HDAC9: variants seen among roughly 807,000 people sequenced by gnomAD.
HDAC9 encodes the protein histone deacetylase 9, also known as MEF-2 interacting transcription repressor (MITR) protein.
HDAC9 carries 41 observed loss-of-function variants against 139.4 expected under a neutral mutation model. That is an observed-to-expected ratio of 0.29 (90% confidence interval 0.23 to 0.38). The LOEUF (loss-of-function observed/expected upper bound fraction) is 0.38, where lower values mean the gene tolerates loss of function less well. Ranked by LOEUF, HDAC9 falls within the 10% of genes least tolerant of loss-of-function variation. The pLI, the probability that HDAC9 is intolerant of heterozygous loss-of-function variation, is 1.00. For missense variants in HDAC9, 1,147 were observed against 1,297.0 expected, an observed-to-expected ratio of 0.88 and a Z score of 1.78; for synonymous variants, 517 against 476.2, an observed-to-expected ratio of 1.09 and a Z score of -1.12.
At chr7:18,107,018 A>G (rs961840996) in intron 1 of HDAC9, among the ~76,000 whole-genome samples, 32 of 152,190 alleles carry the variant, frequency 2.1e-4, no homozygotes, top group Non-Finnish European at 5.9e-5. Flanking sequence ...TTGAGTGTGC[A>G]TGTAAGTGTT....
At chr7:18,539,210 T>C (rs1811913450) in intron 2 of HDAC9, among the ~76,000 whole-genome samples, 1 of 152,224 alleles carries the variant, frequency 6.6e-6, no homozygotes, top group South Asian at 2.1e-4. Context: ...CATGTGGCTC[T>C]ACTCTACTTA....
chr7:18,388,681 A>G (rs930019485), intron 1 of HDAC9, among the ~76,000 whole-genome samples: 1 of 151,932 alleles, frequency 6.6e-6, no homozygotes, highest in African/African-American at 2.4e-5. Flanking sequence ...TTCTTTCTCT[A>G]CTCAGTGGTG....
intron 2 of HDAC9, among the ~76,000 whole-genome samples, chr7:18,215,213 A>G (rs1178379): frequency 0.09 from 13,716 of 152,214 alleles, 1,311 homozygotes; most frequent in African/African-American, 0.24. Flanking sequence ...CGCAAGATCT[A>G]GATTTGAATA....
At chr7:18,805,081 G>A (rs1285795078) in intron 17 of HDAC9, among the ~76,000 whole-genome samples, 2 of 152,190 alleles carry the variant, frequency 1.3e-5, no homozygotes, top group Non-Finnish European at 2.9e-5. Context: ...ACAGGCATGA[G>A]CCCCTGCGCC....
chr7:18,396,245 A>T (rs562042317), intron 1 of HDAC9, among the ~76,000 whole-genome samples: 3 of 152,154 alleles, frequency 2.0e-5, no homozygotes, highest in South Asian at 4.2e-4. Flanking sequence ...GTAGATGTGA[A>T]TAAGAAACAC....
chr7:18,711,238 T>G (rs2541323), intron 12 of HDAC9, among the ~76,000 whole-genome samples: 26,000 of 152,112 alleles, frequency 0.17, 2,949 homozygotes, highest in African/African-American at 0.33. Context: ...TGCCCCAAAG[T>G]AGAGAGAACA....
intron 22 of HDAC9, among the ~76,000 whole-genome samples, chr7:18,917,728 A>G (rs938951183): frequency 6.6e-6 from 1 of 152,030 alleles, no homozygotes; most frequent in African/African-American, 2.4e-5. Flanking sequence ...GGGTGTTACT[A>G]TCCCCGATTT....
At chr7:18,712,102 G>A (rs1474642653) in intron 12 of HDAC9, among the ~76,000 whole-genome samples, 1 of 152,216 alleles carries the variant, frequency 6.6e-6, no homozygotes, top group East Asian at 1.9e-4. Flanking sequence ...TTTGCCCATA[G>A]CCAGTCTTTG....
chr7:18,109,759 T>TA, intron 1 of HDAC9, among the ~76,000 whole-genome samples: 1 of 152,328 alleles, frequency 6.6e-6, no homozygotes, highest in Admixed American at 6.5e-5. Flanking sequence ...TACCAGTACT[T>TA]ACATATCCAC....
Position 18,216,763 on chromosome 7 carries a change from A to G in HDAC9, c.25+54414A>G, listed in dbSNP as rs150164759. On this transcript the variant is annotated intron_variant, in intron 2 of 12. Transcript: ENST00000417496. ...TATTTCATCTAGCATTTTTGCCTCT[A>G]TATTTGTGATACTGAATGATAGTTT... is the stretch of plus-strand genomic sequence containing the variant. Among the ~76,000 whole-genome samples, 35 of 152,214 alleles carry G rather than the reference A, an allele frequency of 2.3e-4. No homozygotes were observed. In the East Asian group the frequency reaches 5.4e-3, roughly 23 times the overall value.
Position 18,693,390 on chromosome 7 carries a change from C to T in HDAC9, c.1731+26914C>T, listed in dbSNP as rs572330113. The stretch of plus-strand genomic sequence containing the variant: ...TGAATGGGAGAATAGATTGAGAAAA[C>T]ACAGTACTCTTCCTATTTTAAGAAG... On this transcript the variant is annotated intron_variant, in intron 12 of 25. Coordinates refer to ENST00000686413, the MANE Select transcript of HDAC9 (RefSeq NM_178425.4). Among the ~76,000 whole-genome samples the T allele has an allele frequency of 2.0e-5, 3 of 152,224 alleles. No individual in the cohort carries two copies. The East Asian group carries it at 5.8e-4, about 29-fold the overall frequency.
At chr7:18,413,566 G>C (rs1191393523) in intron 1 of HDAC9, among the ~76,000 whole-genome samples, 2 of 151,862 alleles carry the variant, frequency 1.3e-5, no homozygotes, top group Non-Finnish European at 2.9e-5. Flanking sequence ...CCTATATGTC[G>C]GAAGCTCTGA....
At chr7:18,125,911 G>A (rs544562482) in intron 1 of HDAC9, among the ~76,000 whole-genome samples, 6 of 152,234 alleles carry the variant, frequency 3.9e-5, no homozygotes, top group Admixed American at 3.3e-4. Context: ...AAGTGGTGCC[G>A]AAACAGGCCT....
intron 1 of HDAC9, among the ~76,000 whole-genome samples, chr7:18,330,039 C>A (rs974626954): frequency 7.3e-5 from 11 of 150,816 alleles, no homozygotes; most frequent in Non-Finnish European, 1.3e-4. Context: ...AGGTATGATA[C>A]CCACCTCTCA....
chr7:18,931,058 T>G (rs140130656), intron 22 of HDAC9, among the ~76,000 whole-genome samples: 122 of 152,292 alleles, frequency 8.0e-4, no homozygotes, highest in African/African-American at 2.8e-3. Flanking sequence ...TTATTATATC[T>G]TTTAAAATTA....
intron 2 of HDAC9, among the ~76,000 whole-genome samples, chr7:18,235,014 T>A (rs1793720817): frequency 6.6e-6 from 1 of 152,160 alleles, no homozygotes; most frequent in Non-Finnish European, 1.5e-5. Flanking sequence ...AAAAAGCCCC[T>A]TTGGGATCCT....
chr7:18,692,985 C>T (rs1191475388), intron 12 of HDAC9, among the ~76,000 whole-genome samples: 2 of 151,732 alleles, frequency 1.3e-5, no homozygotes, highest in African/African-American at 4.8e-5. Context: ...AAAGACTAAG[C>T]TATTTTTTGG....
intron 12 of HDAC9, among the ~76,000 whole-genome samples, chr7:18,701,073 A>C (rs1044411329): frequency 3.3e-5 from 5 of 152,054 alleles, no homozygotes; most frequent in African/African-American, 1.2e-4. Flanking sequence ...AAAAGTTTTC[A>C]TGACTGTTGC....
At chr7:18,757,626 T>G (rs1319942150) in intron 14 of HDAC9, among the ~76,000 whole-genome samples, 2 of 152,178 alleles carry the variant, frequency 1.3e-5, no homozygotes, top group East Asian at 3.9e-4. Flanking sequence ...GAGAACTGAT[T>G]AGGACACTGG....
Sources: gnomAD v4.1 joint callset for allele counts (sites outside exome capture counted in the v4.1 genomes callset) on GRCh38, gnomAD v4.1.1 for gene constraint, MANE v1.5 for transcripts, NCBI Gene and HGNC (gene_info 2026-07-23, HGNC 2026-07-21) for gene names.